The following ANO7 variants were observed in gnomAD, a reference collection of about 807,000 sequenced individuals.
The protein encoded by ANO7 is anoctamin-7.
Under a neutral mutation model 115.8 loss-of-function variants are expected in ANO7, and 114 were observed. That is an observed-to-expected ratio of 0.98 (90% CI 0.85 to 1.15). ANO7 has a LOEUF of 1.15. ANO7 is among the 50% of genes most tolerant of loss of function. ANO7 has a pLI of 0.00. For synonymous variants in ANO7, 550 were observed against 498.2 expected (o/e 1.10, Z -1.38); for missense variants, 1,302 against 1,201.2 (o/e 1.08, Z -1.24).
At chr2:241,230,123 C>T, downstream of ANO7, 2 of 1,599,010 alleles carry the variant, frequency 1.3e-6, no homozygotes, top group South Asian at 1.1e-5. This position sits in a 1 kb window ranked among gnomAD's most constrained non-coding sequence, Gnocchi z 5.0. Context: ...GCCAGGGCGC[C>T]TCAGGGCTCC....
chr2:241,218,278 G>A lies in ANO7; in HGVS notation c.2218G>A (p.Ala740Thr). The A allele has an allele frequency of 2.6e-6, 4 of 1,533,896 alleles. No individual in the cohort carries two copies. Among genetic ancestry groups the A allele is most frequent in the Non-Finnish European group, 1.7e-6 (2 of 1,147,868 alleles). The change falls in exon 21 of 25, where the codon GCC becomes ACC. Residue 740 changes from alanine to threonine, a missense_variant. By Grantham distance (58) the Ala-to-Thr change is moderately conservative. Coordinates refer to ENST00000674324, the MANE Select transcript of ANO7 (RefSeq NM_001370694.2). The stretch of plus-strand genomic sequence containing the variant: ...CTTCTCGTCCGACTTCCTGCCGCGC[G>A]CCTACTACCGGTGGACCCGCGCCCA... Reference protein sequence around the residue: ...LAFSSDFLPRAYYRWTRAHDL... With the variant: ...LAFSSDFLPRTYYRWTRAHDL...
In ANO7 at chr2:241,210,522, A is replaced by C. The variant is rs2068698161; in HGVS notation, c.1513A>C (p.Ile505Leu). The C allele has an allele frequency of 6.2e-7, 1 of 1,613,778 alleles. No individual in the cohort carries two copies. The highest frequency in any genetic ancestry group is 8.5e-7 in the Non-Finnish European group (1 of 1,179,950). Residue 505 changes from isoleucine to leucine, a missense_variant, in exon 15 of 25, where the codon ATC (isoleucine) becomes CTC (leucine). Ile to Leu is a conservative substitution (Grantham distance 5). Transcript: ENST00000674324. ...GSVVNLVFIL[I>L]LSKIYVSLAH... ...TGTAGTGAACCTCGTCTTCATCCTC[A>C]TCCTCTCCAAGATCTATGTATCCCT...
Position 241,218,387 on chromosome 2 carries a change from C to A in ANO7, c.2321+6C>A. On this transcript the variant is annotated splice_donor_region_variant and intron_variant, in intron 21 of 24. Coordinates refer to ENST00000674324, the MANE Select transcript of ANO7 (RefSeq NM_001370694.2). ...GCGCACAACCGCACGTGCAGGTGAGCCCCGCGCCAGGTGGAGGGGGCCGCG... is the reference window on the plus strand; with the variant it reads ...GCGCACAACCGCACGTGCAGGTGAGACCCGCGCCAGGTGGAGGGGGCCGCG... 7.3e-7 allele frequency: 1 copy of A among 1,365,422 alleles called. No homozygotes were observed. The highest frequency in any genetic ancestry group is 9.5e-7 in the Non-Finnish European group (1 of 1,052,792). The allele number at this position is 1,365,422 out of a possible 1,614,324, so 84.6% of individuals were successfully genotyped here.
intron 11 of ANO7, among the ~76,000 whole-genome samples, chr2:241,208,689 C>T (rs1235728071): frequency 6.6e-6 from 1 of 152,242 alleles, no homozygotes; most frequent in East Asian, 1.9e-4. Context: ...TCCCAGCATC[C>T]TCCAAAGTCT....
At position 241,214,838 on chromosome 2, in the gene ANO7, C is replaced by A; in HGVS notation, c.1762C>A (p.Gln588Lys). ...AAGGCLIELA[Q>K]ELLVIMVGKQ... ...TGGAGGCTGCCTGATCGAGCTGGCA[C>A]AGGAGCTCCTGGTCATCATGGTGGG... is the stretch of plus-strand genomic sequence containing the variant. Residue 588 changes from glutamine to lysine, a missense_variant, in exon 18 of 25, where the codon CAG (glutamine) becomes AAG (lysine). Physicochemically the swap from Gln to Lys is moderately conservative, Grantham distance 53. Transcript: ENST00000674324. 1 of 1,612,670 alleles carries A rather than the reference C, an allele frequency of 6.2e-7. No homozygotes were observed. Among genetic ancestry groups the A allele is most frequent in the Non-Finnish European group, 8.5e-7 (1 of 1,179,944 alleles).
At chr2:241,200,066 G>T (rs1180734012) in intron 5 of ANO7, 23 bp from the exon 6 acceptor site, 1 of 1,608,120 alleles carries the variant, frequency 6.2e-7, no homozygotes, top group East Asian at 2.2e-5. Context: ...GGAGTGGGAG[G>T]AGCCACTGAC....
At chr2:241,197,063 T>C (rs1229770029) in intron 4 of ANO7, among the ~76,000 whole-genome samples, 1 of 152,186 alleles carries the variant, frequency 6.6e-6, no homozygotes, top group Non-Finnish European at 1.5e-5. Context: ...ACCAACCAGT[T>C]GGGATATAGT....
downstream of ANO7, chr2:241,229,514 G>A (rs1283969326): frequency 4.1e-6 from 4 of 964,980 alleles, no homozygotes; most frequent in African/African-American, 1.6e-5. Flanking sequence ...TTTACGGAGG[G>A]TCCAGCCGCT....
At position 241,224,351 on chromosome 2, in the gene ANO7, G is replaced by C. The variant is rs2069107004; in HGVS notation, c.*198G>C. 2 of 625,018 alleles carry C rather than the reference G, an allele frequency of 3.2e-6. No individual in the cohort carries two copies. Among genetic ancestry groups the C allele is most frequent in the South Asian group, 2.0e-5 (1 of 50,286 alleles). 38.7% of individuals were successfully genotyped at this position (625,018 alleles called of 1,614,324 possible). ...CGCCTGTCACTCCATCCCCGGCAGGGAGGGACCGTCAGCTCACAAGGCCCT... is the reference window on the plus strand; with the variant it reads ...CGCCTGTCACTCCATCCCCGGCAGGCAGGGACCGTCAGCTCACAAGGCCCT... On this transcript the variant is annotated 3_prime_UTR_variant, in exon 25 of 25. Transcript: ENST00000674324.
intron 4 of ANO7, among the ~76,000 whole-genome samples, chr2:241,198,328 C>G (rs2068391400): frequency 6.6e-6 from 1 of 152,172 alleles, no homozygotes; most frequent in Non-Finnish European, 1.5e-5. Flanking sequence ...TAACAGCCAC[C>G]CCACTCCTGA....
chr2:241,230,062 G>A, downstream of ANO7: 1 of 1,584,034 alleles, frequency 6.3e-7, no homozygotes, highest in Non-Finnish European at 8.6e-7. The surrounding 1 kb of genome is among the most constrained non-coding windows in gnomAD (Gnocchi z 5.0). Flanking sequence ...GGAAACACAA[G>A]TGCCACCTTG....
At chr2:241,240,136 T>C in the ANO7 span, 3 of 1,612,602 alleles carry the variant, frequency 1.9e-6, no homozygotes, top group Non-Finnish European at 2.5e-6. The surrounding 1 kb of genome is among the most constrained non-coding windows in gnomAD (Gnocchi z 5.5). Flanking sequence ...CAGAAACCAA[T>C]CCCACTGTGT....
intron 4 of ANO7, chr2:241,196,294 G>A (rs991695073): frequency 3.7e-5 from 19 of 509,162 alleles, no homozygotes; most frequent in Admixed American, 5.4e-5. Context: ...TCCGGGGAGC[G>A]TGAGAAACAG....
chr2:241,214,558 G>T (rs1010587553), intron 17 of ANO7, among the ~76,000 whole-genome samples: 6 of 152,178 alleles, frequency 3.9e-5, no homozygotes, highest in African/African-American at 1.4e-4. Context: ...GAAAACTGGG[G>T]TGCCATTAGG....
At chr2:241,198,177 GTTGCCTACTCC>G (rs1315511670) in intron 4 of ANO7, among the ~76,000 whole-genome samples, 1 of 151,944 alleles carries the variant, frequency 6.6e-6, no homozygotes, top group African/African-American at 2.4e-5. Flanking sequence ...TCATTCCCAC[GTTGCCTACTCC>G]TTGTCCAGAA....
At chr2:241,234,906 G>A in the ANO7 span, among the ~76,000 whole-genome samples, 1 of 152,194 alleles carries the variant, frequency 6.6e-6, no homozygotes, top group Admixed American at 6.5e-5. Context: ...GTCCAACTTT[G>A]TCACTTTTTT....
chr2:241,219,664 C>T (rs1210935430), intron 21 of ANO7, among the ~76,000 whole-genome samples: 3 of 151,204 alleles, frequency 2.0e-5, no homozygotes, highest in African/African-American at 7.3e-5. Flanking sequence ...ACTTCCTGGG[C>T]TCAAGCAATC....
chr2:241,236,796 C>G, the ANO7 span: 5 of 1,609,932 alleles, frequency 3.1e-6, no homozygotes, highest in South Asian at 2.2e-5. Flanking sequence ...AAAGGGACAG[C>G]TGACAGCTGC....
intron 21 of ANO7, among the ~76,000 whole-genome samples, chr2:241,220,415 G>A (rs1038433849): frequency 2.0e-5 from 3 of 152,076 alleles, no homozygotes; most frequent in African/African-American, 7.2e-5. Flanking sequence ...GAATTTTTCT[G>A]GCTGGGCATG....
Sources: allele counts gnomAD v4.1 joint callset (sites outside exome capture counted in the v4.1 genomes callset), GRCh38; gene constraint gnomAD v4.1.1; non-coding constraint Gnocchi (gnomAD v3.1); transcripts MANE v1.5; gene names NCBI Gene and HGNC (gene_info 2026-07-23, HGNC 2026-07-21).